EIF3B: variants seen among roughly 807,000 people sequenced by gnomAD.
EIF3B encodes the protein eukaryotic translation initiation factor 3 subunit B.
Under a neutral mutation model 104.6 loss-of-function variants are expected in EIF3B, and 10 were observed. The ratio of observed to expected loss-of-function variants is 0.10; its 90% confidence interval spans 0.06 to 0.16. The LOEUF is 0.16. EIF3B is among the 10% of genes least tolerant of loss of function. EIF3B has a pLI of 1.00. For synonymous variants in EIF3B, 542 were observed against 417.2 expected (o/e 1.30, Z -3.65); for missense variants, 1,014 against 1,087.9 (o/e 0.93, Z 0.96).
chr7:2,379,051 C>T, intron 16 of EIF3B, 83 bp from the exon 17 acceptor site: 5 of 1,192,722 alleles, frequency 4.2e-6, no homozygotes, highest in South Asian at 1.3e-5. Context: ...GTCCTTCTGG[C>T]ACCGTCCGCC....
At position 2,363,157 on chromosome 7, in the gene EIF3B, G is replaced by C. The variant is rs202113591; in HGVS notation, c.870+30G>C. 37 of 1,610,932 alleles carry C rather than the reference G, an allele frequency of 2.3e-5. No individual in the cohort carries two copies. The Admixed American group carries it at 4.3e-4, about 19-fold the overall frequency. ...GTGGCCTGAAACCTACATCTCAGTGGTTTAAAGAAATGCTGCTGGGTGTGG... is the reference window on the plus strand; with the variant it reads ...GTGGCCTGAAACCTACATCTCAGTGCTTTAAAGAAATGCTGCTGGGTGTGG... On this transcript the variant is annotated intron_variant, in intron 4 of 18. Coordinates refer to ENST00000360876, the MANE Select transcript of EIF3B (RefSeq NM_001037283.2).
At chr7:2,366,675 AGAG>A (rs1050412444) in intron 8 of EIF3B, 84 bp downstream of exon 8, 16 of 1,506,850 alleles carry the variant, frequency 1.1e-5, no homozygotes, top group South Asian at 2.3e-5. Context: ...TTGTGCTAGA[AGAG>A]GAGGAGGAGG....
intron 1 of EIF3B, among the ~76,000 whole-genome samples, chr7:2,359,556 C>T (rs536634773): frequency 6.6e-6 from 1 of 152,332 alleles, no homozygotes; most frequent in South Asian, 2.1e-4. Flanking sequence ...TCTATATCCT[C>T]TGTAACGTCC....
rs535249549 is a variant in EIF3B, at chr7:2,378,497, C to T, written c.2155-192C>T. ...TGGGTGTCATGGAGGAAGGAGCAGG[C>T]GCGAGTGCTGCTGGGAAGCTGTGTT... On this transcript the variant is annotated intron_variant, in intron 15 of 18. Transcript: ENST00000360876. 876 of 263,180 alleles carry T rather than the reference C, an allele frequency of 3.3e-3. 80 individuals are homozygous for T. Among genetic ancestry groups the T allele is most frequent in the Non-Finnish European group, 4.6e-3 (640 of 138,962 alleles). The allele number at this position is 263,180 out of a possible 1,614,324, so 16.3% of individuals were successfully genotyped here. A position where few individuals can be genotyped will look rare whatever the true frequency, so the allele number is the denominator to read the frequency against.
At chr7:2,369,031 C>T (rs1041975441) in intron 9 of EIF3B, among the ~76,000 whole-genome samples, 2 of 152,212 alleles carry the variant, frequency 1.3e-5, no homozygotes, top group African/African-American at 4.8e-5. Context: ...GTGGAGGGAG[C>T]TGCCCTTGTT....
Position 2,379,483 on chromosome 7 carries a change from G to C in EIF3B, c.2431G>C (p.Gly811Arg). Reference sequence around the variant, plus strand: ...CGTCACTGAAGAAATCATTCCCCTCGGGAATCAGGAGTGACCTGGAGCACT... The same window carrying C: ...CGTCACTGAAGAAATCATTCCCCTCCGGAATCAGGAGTGACCTGGAGCACT... The part of the protein sequence containing the change: ...FFVTEEIIPL[G>R]NQE The change falls in exon 18 of 19, where the codon GGG (glycine) becomes CGG (arginine). Residue 811 changes from glycine to arginine, a missense_variant. Gly to Arg is a moderately radical substitution (Grantham distance 125). Transcript: ENST00000360876. 1.3e-6 allele frequency: 2 copies of C among 1,574,706 alleles called. No individual in the cohort carries two copies. Among genetic ancestry groups the C allele is most frequent in the Non-Finnish European group, 1.7e-6 (2 of 1,159,394 alleles).
intron 10 of EIF3B, among the ~76,000 whole-genome samples, chr7:2,371,547 A>T (rs1426069433): frequency 6.6e-6 from 1 of 152,196 alleles, no homozygotes; most frequent in Non-Finnish European, 1.5e-5. Flanking sequence ...GATCTGGGTC[A>T]GAGTTACTTC....
At chr7:2,363,552 A>AT in intron 4 of EIF3B, 80 bp from the exon 5 acceptor site, 1 of 1,327,184 alleles carries the variant, frequency 7.5e-7, no homozygotes. Flanking sequence ...TGAACTTGTC[A>AT]TATCTTTAAG....
chr7:2,364,296 G>A, intron 5 of EIF3B, 76 bp from the exon 6 acceptor site: 2 of 1,336,782 alleles, frequency 1.5e-6, no homozygotes, highest in South Asian at 3.0e-5. Flanking sequence ...ATTCATTGTA[G>A]GATAAATTCA....
At chr7:2,365,937 C>T (rs1183046687) in intron 6 of EIF3B, among the ~76,000 whole-genome samples, 6 of 152,010 alleles carry the variant, frequency 3.9e-5, no homozygotes, top group African/African-American at 1.2e-4. Flanking sequence ...CCACCCACCT[C>T]GGCCTCCCAA....
intron 9 of EIF3B, 87 bp downstream of exon 9, chr7:2,367,132 G>A: frequency 2.4e-6 from 3 of 1,253,190 alleles, no homozygotes; most frequent in Non-Finnish European, 3.4e-6. Flanking sequence ...CAATACCATA[G>A]GCTGGGTGGC....
intron 18 of EIF3B, 174 bp downstream of exon 18, chr7:2,379,685 G>T: frequency 1.7e-6 from 1 of 594,254 alleles, no homozygotes; most frequent in East Asian, 2.9e-5. Flanking sequence ...TGCCGACGTG[G>T]CCTCGACTGC....
chr7:2,376,745 T>C (rs1780652246), intron 14 of EIF3B: 1 of 628,010 alleles, frequency 1.6e-6, no homozygotes, highest in Non-Finnish European at 2.6e-6. Flanking sequence ...CTCCAGCTGC[T>C]CCGTGCCCCG....
intron 13 of EIF3B, 70 bp from the exon 14 acceptor site, chr7:2,375,319 A>G (rs966967288): frequency 2.5e-6 from 4 of 1,594,710 alleles, no homozygotes; most frequent in Admixed American, 1.7e-5. Context: ...ATGCCGCAGC[A>G]CCTCTCAGGA....
chr7:2,365,015 C>T (rs377600129), intron 6 of EIF3B, among the ~76,000 whole-genome samples: 3 of 152,360 alleles, frequency 2.0e-5, no homozygotes, highest in African/African-American at 7.2e-5. Context: ...CCAGTGGCAC[C>T]ATTGCAGGCT....
At position 2,374,540 on chromosome 7, in the gene EIF3B, A is replaced by G; in HGVS notation, c.1823A>G (p.Lys608Arg). Reference sequence around the variant, plus strand: ...TCTTTCCTTTCAGAGATGTTCGACAAGCAGCAGGCGAACACCATCTTCTGG... The same window carrying G: ...TCTTTCCTTTCAGAGATGTTCGACAGGCAGCAGGCGAACACCATCTTCTGG... ...GKIELIKMFD[K>R]QQANTIFWSP... is the part of the protein sequence containing the mutation. The change falls in exon 13 of 19, where the codon AAG becomes AGG. Residue 608 changes from lysine (K) to arginine (R), a missense_variant. Around this residue, in one of 4 missense-constraint regions of EIF3B, gnomAD observed 266 missense variants for 324.0 expected, o/e 0.82. Coordinates refer to ENST00000360876, the MANE Select transcript of EIF3B (RefSeq NM_001037283.2). 6.2e-7 allele frequency: 1 copy of G among 1,614,036 alleles called. No homozygotes were observed. The highest frequency in any genetic ancestry group is 8.5e-7 in the Non-Finnish European group (1 of 1,179,966).
At chr7:2,360,353 T>A (rs1429589806) in intron 1 of EIF3B, among the ~76,000 whole-genome samples, 1 of 152,256 alleles carries the variant, frequency 6.6e-6, no homozygotes, top group African/African-American at 2.4e-5. Flanking sequence ...CCTTTCAAAA[T>A]CTAGGCATCT....
chr7:2,354,560 A>T (rs1214490409), upstream of EIF3B, among the ~76,000 whole-genome samples: 1 of 151,990 alleles, frequency 6.6e-6, no homozygotes, highest in Non-Finnish European at 1.5e-5. Context: ...GCAGCGTCCG[A>T]CGGGAAAGGA....
At chr7:2,370,870 C>T (rs1034158715) in intron 10 of EIF3B, among the ~76,000 whole-genome samples, 54 of 152,114 alleles carry the variant, frequency 3.5e-4, no homozygotes, top group African/African-American at 1.2e-3. Flanking sequence ...GTCAGGAGAT[C>T]GAGGGTTTAG....
Sources: gnomAD v4.1 joint callset for allele counts (sites outside exome capture counted in the v4.1 genomes callset) on GRCh38, gnomAD v4.1.1 for gene constraint, gnomAD v4.1.1 regional missense constraint, MANE v1.5 for transcripts, NCBI Gene and HGNC (gene_info 2026-07-23, HGNC 2026-07-21) for gene names.